L3MBTL3: variants seen among roughly 807,000 people sequenced by gnomAD.
L3MBTL3 encodes the protein L3MBTL histone methyl-lysine binding protein 3, also known as lethal(3)malignant brain tumor-like protein 3.
L3MBTL3 carries 27 observed loss-of-function variants against 102.3 expected under a neutral mutation model. That is an observed-to-expected ratio of 0.26 (90% CI 0.19 to 0.36). L3MBTL3 has a LOEUF of 0.36. Among genes scored for constraint, L3MBTL3 ranks in the 10% least tolerant of loss-of-function variants. The probability of loss-of-function intolerance (pLI) is 1.00; values close to 1 mark genes in which losing one functional copy is unlikely to be tolerated. For synonymous variants in L3MBTL3, 340 were observed against 320.9 expected (o/e 1.06, Z -0.64); for missense variants, 798 against 955.3 (o/e 0.84, Z 2.17).
At chr6:130,038,092 C>A (rs531881871) in intron 2 of L3MBTL3, among the ~76,000 whole-genome samples, 1 of 152,196 alleles carries the variant, frequency 6.6e-6, no homozygotes, top group South Asian at 2.1e-4. Context: ...CATGCTGTCA[C>A]AAATGACAGG....
At chr6:130,111,019 A>T (rs1271817434) in intron 19 of L3MBTL3, among the ~76,000 whole-genome samples, 5 of 152,180 alleles carry the variant, frequency 3.3e-5, no homozygotes, top group African/African-American at 1.2e-4. Context: ...GAATTTACTA[A>T]AATTTGGTTG....
intron 19 of L3MBTL3, 138 bp downstream of exon 19, chr6:130,104,713 T>TG: frequency 1.8e-6 from 1 of 549,798 alleles, no homozygotes; most frequent in Non-Finnish European, 2.8e-6. Context: ...TGTGAAATGA[T>TG]GGTAGAGATC....
rs1783686750 is a variant in L3MBTL3, at chr6:130,086,321, TACTTA to T, written c.1518+76_1518+80del. Reference sequence around the variant, plus strand: ...TGTTTTAGATAAAAACTTTGGTAGATACTTAACTTGTGAAGTCCTGTAATTAGTAA... The same window carrying T: ...TGTTTTAGATAAAAACTTTGGTAGATACTTGTGAAGTCCTGTAATTAGTAA... On this transcript the variant is annotated intron_variant, in intron 16 of 22. Coordinates refer to ENST00000361794, the MANE Select transcript of L3MBTL3 (RefSeq NM_032438.4). 4 of 1,010,614 alleles carry T rather than the reference TACTTA, an allele frequency of 4.0e-6. No homozygotes were observed. The Admixed American group carries it at 6.8e-5, about 17-fold the overall frequency. 62.6% of individuals were successfully genotyped at this position (1,010,614 alleles called of 1,614,324 possible). A position where few individuals can be genotyped will look rare whatever the true frequency, so the allele number is the denominator to read the frequency against.
chr6:130,127,741 T>C (rs1562337651), intron 20 of L3MBTL3, among the ~76,000 whole-genome samples: 1 of 152,236 alleles, frequency 6.6e-6, no homozygotes, highest in Non-Finnish European at 1.5e-5. Flanking sequence ...TTTAATGATA[T>C]AGTTCCACAA....
chr6:130,092,671 T>C, intron 16 of L3MBTL3, 74 bp from the exon 17 acceptor site: 1 of 833,742 alleles, frequency 1.2e-6, no homozygotes, highest in Non-Finnish European at 2.1e-6. Context: ...AAAATGGTTA[T>C]GCTGTGGGCA....
At chr6:130,020,110 T>TCGGGGC (rs1432660080) in intron 1 of L3MBTL3, among the ~76,000 whole-genome samples, 6 of 147,254 alleles carry the variant, frequency 4.1e-5, no homozygotes, top group South Asian at 2.2e-4. Context: ...AAAAGAGGGG[T>TCGGGGC]CGGGGCCGGG....
At chr6:130,078,868 G>A (rs559586801) in intron 14 of L3MBTL3, among the ~76,000 whole-genome samples, 12 of 152,166 alleles carry the variant, frequency 7.9e-5, no homozygotes, top group African/African-American at 2.9e-4. Flanking sequence ...ACCTGCAGGC[G>A]TTAGTTTGCT....
intron 14 of L3MBTL3, among the ~76,000 whole-genome samples, chr6:130,082,089 C>T (rs770395141): frequency 5.5e-4 from 83 of 152,098 alleles, no homozygotes; most frequent in Non-Finnish European, 9.6e-4. Context: ...TCAGGTGGCT[C>T]ATCATGTCAG....
At chr6:130,049,509 T>A in intron 4 of L3MBTL3, 116 bp downstream of exon 4, 1 of 743,150 alleles carries the variant, frequency 1.3e-6, no homozygotes. Flanking sequence ...TTGTGCCTCA[T>A]GTTGTTAGGT....
rs368137424 is a variant in L3MBTL3 at position 130,049,538 on chromosome 6, T to G, written c.214+145T>G. The G allele has an allele frequency of 6.0e-5, 43 of 714,958 alleles. 1 individual carries two copies. Among genetic ancestry groups the G allele is most frequent in the East Asian group, 1.6e-4 (6 of 36,798 alleles). 44.3% of individuals were successfully genotyped at this position (714,958 alleles called of 1,614,324 possible). ...GTTAGGTAAATTTCTATAATGAAAC[T>G]GATAGGAGCCAGCATTTATGTTTTA... On this transcript the variant is annotated intron_variant, in intron 4 of 22. Transcript: ENST00000361794.
rs9398936 is a variant in L3MBTL3, at chr6:130,054,136, G to T, written c.583-1035G>T. Among the ~76,000 whole-genome samples, 21 of 152,292 alleles carry T rather than the reference G, an allele frequency of 1.4e-4. No homozygotes were observed. In the East Asian group the frequency reaches 3.7e-3, roughly 27 times the overall value. On this transcript the variant is annotated intron_variant, in intron 7 of 22. Coordinates refer to ENST00000361794, the MANE Select transcript of L3MBTL3 (RefSeq NM_032438.4). ...AGCTATGTGAAGTTGAGAGTGAGGC[G>T]TCTTCTGGGTAGTAGAACTTCCAGA...
intron 20 of L3MBTL3, among the ~76,000 whole-genome samples, chr6:130,121,368 C>T (rs369671150): frequency 6.6e-6 from 1 of 152,162 alleles, no homozygotes; most frequent in African/African-American, 2.4e-5. Context: ...AGAGTAATAG[C>T]CTCCAGCTCC....
At chr6:130,101,930 C>G (rs1784714246) in intron 18 of L3MBTL3, among the ~76,000 whole-genome samples, 1 of 152,214 alleles carries the variant, frequency 6.6e-6, no homozygotes, top group Admixed American at 6.5e-5. Context: ...ATACTACCGT[C>G]TGCCCATGCT....
At position 130,120,874 on chromosome 6, in the gene L3MBTL3, C is replaced by CTTA; in HGVS notation, c.1887-4_1887-2dup. 1 of 1,605,664 alleles carries CTTA rather than the reference C, an allele frequency of 6.2e-7. No individual in the cohort carries two copies. Among genetic ancestry groups the CTTA allele is most frequent in the Non-Finnish European group, 8.5e-7 (1 of 1,174,744 alleles). ...ATAAAATATTGAAATGCCTGTTTTT[C>CTTA]TTAGAGACCAGCATGCTGATGATGT... is the stretch of plus-strand genomic sequence containing the variant. On this transcript the variant is annotated splice_region_variant and splice_polypyrimidine_tract_variant and intron_variant, in intron 19 of 22. Coordinates refer to ENST00000361794, the MANE Select transcript of L3MBTL3 (RefSeq NM_032438.4).
Position 130,139,940 on chromosome 6 carries a change from A to G in L3MBTL3, c.*187A>G. 1 of 441,440 alleles carries G rather than the reference A, an allele frequency of 2.3e-6. No individual in the cohort carries two copies. Among genetic ancestry groups the G allele is most frequent in the Non-Finnish European group, 4.0e-6 (1 of 249,978 alleles). 27.3% of individuals were successfully genotyped at this position (441,440 alleles called of 1,614,324 possible). A position where few individuals can be genotyped will look rare whatever the true frequency, so the allele number is the denominator to read the frequency against. ...TATGAAAGTGCTTGAGCTTTTAACC[A>G]GGTACTGTCTAACAACAGTCATCTT... On this transcript the variant is annotated 3_prime_UTR_variant, in exon 23 of 23. Coordinates refer to ENST00000361794, the MANE Select transcript of L3MBTL3 (RefSeq NM_032438.4).
At chr6:130,045,425 C>A (rs557398274) in intron 3 of L3MBTL3, among the ~76,000 whole-genome samples, 1 of 152,172 alleles carries the variant, frequency 6.6e-6, no homozygotes, top group Non-Finnish European at 1.5e-5. Context: ...AGAACGTACT[C>A]TCTGCTGAAC....
intron 3 of L3MBTL3, among the ~76,000 whole-genome samples, chr6:130,043,654 C>G (rs534144182): frequency 6.6e-6 from 1 of 152,136 alleles, no homozygotes; most frequent in Non-Finnish European, 1.5e-5. Flanking sequence ...CTGGGCTTAC[C>G]TCTCAAATGT....
intron 19 of L3MBTL3, among the ~76,000 whole-genome samples, chr6:130,107,195 A>C (rs551511351): frequency 9.4e-6 from 1 of 106,860 alleles, no homozygotes; most frequent in Non-Finnish European, 2.0e-5. Flanking sequence ...AGAGGTGTTC[A>C]TAGGTTGAAC....
intron 2 of L3MBTL3, among the ~76,000 whole-genome samples, chr6:130,042,419 T>G (rs1226118819): frequency 1.3e-5 from 2 of 151,700 alleles, no homozygotes; most frequent in East Asian, 3.9e-4. Context: ...AATAAATGAA[T>G]TTCTTTTGTT....
Sources: gnomAD v4.1 joint callset for allele counts (sites outside exome capture counted in the v4.1 genomes callset) on GRCh38, gnomAD v4.1.1 for gene constraint, MANE v1.5 for transcripts, NCBI Gene and HGNC (gene_info 2026-07-23, HGNC 2026-07-21) for gene names.